Variants in FSTL5 observed in about 807,000 individuals in gnomAD.
FSTL5 encodes the protein follistatin-related protein 5.
A neutral mutation model predicts 89.1 loss-of-function variants in FSTL5; 62 were observed. The observed-to-expected ratio is 0.70, with a 90% CI of 0.57 to 0.86. The LOEUF (loss-of-function observed/expected upper bound fraction) is 0.86, where lower values mean the gene tolerates loss of function less well. Ranked by LOEUF, FSTL5 falls within the 40% of genes least tolerant of loss-of-function variation. The pLI, the probability that FSTL5 is intolerant of heterozygous loss-of-function variation, is 0.00. For missense variants in FSTL5, 1,057 were observed against 1,001.6 expected (o/e 1.06, Z -0.75); for synonymous variants, 383 against 346.2 (o/e 1.11, Z -1.18).
chr4:161,977,530 G>A (rs922681340), intron 3 of FSTL5, among the ~76,000 whole-genome samples: 3 of 148,972 alleles, frequency 2.0e-5, no homozygotes, highest in East Asian at 2.0e-4. Context: ...GAAGAATGGC[G>A]TGTACATGGA....
chr4:161,400,028 G>T (rs2110902371), intron 15 of FSTL5, among the ~76,000 whole-genome samples: 1 of 152,118 alleles, frequency 6.6e-6, no homozygotes, highest in African/African-American at 2.4e-5. Context: ...AAATAGACTA[G>T]TATCTAAATC....
At chr4:161,610,211 C>A (rs950372989) in intron 7 of FSTL5, among the ~76,000 whole-genome samples, 5 of 151,942 alleles carry the variant, frequency 3.3e-5, no homozygotes, top group African/African-American at 9.7e-5. Context: ...GTTGGCTTTA[C>A]TTCTTTCAGA....
intron 15 of FSTL5, among the ~76,000 whole-genome samples, chr4:161,421,933 A>T (rs1732004270): frequency 6.6e-6 from 1 of 152,160 alleles, no homozygotes; most frequent in South Asian, 2.1e-4. Flanking sequence ...CAGCTTGCAG[A>T]CAGCAGATTG....
At chr4:161,779,803 A>ATGTG (rs1560841008) in intron 4 of FSTL5, among the ~76,000 whole-genome samples, 35 of 54,348 alleles carry the variant, frequency 6.4e-4, no homozygotes, top group South Asian at 5.6e-3. Flanking sequence ...ATATATATAT[A>ATGTG]TATATATGTA....
At chr4:162,052,175 T>C (rs571432477) in intron 2 of FSTL5, among the ~76,000 whole-genome samples, 1 of 151,578 alleles carries the variant, frequency 6.6e-6, no homozygotes, top group South Asian at 2.1e-4. Context: ...GTCTAGTAAT[T>C]CTACATGTAA....
chr4:161,646,260 T>C (rs189618529), intron 7 of FSTL5, among the ~76,000 whole-genome samples: 2 of 148,794 alleles, frequency 1.3e-5, no homozygotes, highest in Admixed American at 1.3e-4. Context: ...GCTCTCTCTC[T>C]ATATATCTCA....
intron 4 of FSTL5, among the ~76,000 whole-genome samples, chr4:161,911,346 G>A (rs1733686301): frequency 1.3e-5 from 2 of 151,862 alleles, no homozygotes; most frequent in South Asian, 2.1e-4. Flanking sequence ...ACCTGATTAT[G>A]GTTCAATATT....
At chr4:161,869,093 G>T (rs1387124949) in intron 4 of FSTL5, among the ~76,000 whole-genome samples, 1 of 152,098 alleles carries the variant, frequency 6.6e-6, no homozygotes, top group Non-Finnish European at 1.5e-5. Context: ...CCAGCTACTT[G>T]TGAGGCTGAG....
intron 6 of FSTL5, among the ~76,000 whole-genome samples, chr4:161,659,640 C>G (rs1736638267): frequency 6.6e-6 from 1 of 152,048 alleles, no homozygotes; most frequent in Admixed American, 6.5e-5. Context: ...TGTAAAACAA[C>G]AGCTATGAAT....
At position 162,141,367 on chromosome 4, in the gene FSTL5, G is replaced by A. The variant is rs899573578; in HGVS notation, c.-17+22248C>T. Among the ~76,000 whole-genome samples the A allele has an allele frequency of 5.7e-5, 5 of 87,722 alleles. 1 individual carries two copies. Among genetic ancestry groups the A allele is most frequent in the South Asian group, 3.3e-4 (1 of 3,072 alleles). 57.5% of individuals were successfully genotyped at this position (87,722 alleles called of 152,430 possible). ...CCTGACCTCGTGATCCGCCCGTCTCGGCCTCCCAAAGTGCTGGGATTACAG... is the reference window on the plus strand; with the variant it reads ...CCTGACCTCGTGATCCGCCCGTCTCAGCCTCCCAAAGTGCTGGGATTACAG... On this transcript the variant is annotated intron_variant, in intron 1 of 15. Coordinates refer to ENST00000306100, the MANE Select transcript of FSTL5 (RefSeq NM_020116.5).
chr4:161,602,908 G>A (rs1734298481), intron 7 of FSTL5, among the ~76,000 whole-genome samples: 1 of 152,096 alleles, frequency 6.6e-6, no homozygotes, highest in African/African-American at 2.4e-5. Context: ...AATCCTACAG[G>A]AAACTCTTCA....
intron 8 of FSTL5, among the ~76,000 whole-genome samples, chr4:161,585,135 G>A (rs887658740): frequency 2.0e-5 from 3 of 152,122 alleles, no homozygotes; most frequent in Admixed American, 6.6e-5. Context: ...CAGGGAAGCC[G>A]CCTTTCACCA....
intron 3 of FSTL5, among the ~76,000 whole-genome samples, chr4:161,993,705 C>A (rs1736204979): frequency 6.6e-6 from 1 of 151,906 alleles, no homozygotes; most frequent in Non-Finnish European, 1.5e-5. Flanking sequence ...ACGTTTCTAG[C>A]ATGCTTGTTG....
At chr4:161,484,850 T>C (rs1273731655) in intron 12 of FSTL5, among the ~76,000 whole-genome samples, 2 of 152,184 alleles carry the variant, frequency 1.3e-5, no homozygotes, top group African/African-American at 2.4e-5. Context: ...TTTTAGACAC[T>C]TGATTTGTCA....
intron 1 of FSTL5, among the ~76,000 whole-genome samples, chr4:162,153,718 AATAATATATG>A (rs1733339472): frequency 1.5e-5 from 2 of 133,850 alleles, no homozygotes; most frequent in Admixed American, 1.7e-4. Flanking sequence ...ATATGTATAT[AATAATATATG>A]TATATATGTA....
At chr4:161,944,015 T>C (rs1734669099) in intron 3 of FSTL5, among the ~76,000 whole-genome samples, 1 of 152,170 alleles carries the variant, frequency 6.6e-6, no homozygotes, top group African/African-American at 2.4e-5. Context: ...AGGCTCGTGT[T>C]TCTGCAGGGT....
chr4:161,498,522 T>C (rs2126481465), intron 12 of FSTL5, among the ~76,000 whole-genome samples: 1 of 152,284 alleles, frequency 6.6e-6, no homozygotes, highest in East Asian at 1.9e-4. Context: ...AGTGATAGTT[T>C]TGTGATGAAG....
intron 8 of FSTL5, among the ~76,000 whole-genome samples, chr4:161,587,019 G>T (rs983008249): frequency 7.9e-5 from 12 of 152,054 alleles, no homozygotes; most frequent in African/African-American, 2.9e-4. Context: ...AGCCCACCTG[G>T]TCAACATTCA....
intron 3 of FSTL5, among the ~76,000 whole-genome samples, chr4:161,964,088 C>T (rs1159910763): frequency 6.6e-6 from 1 of 151,890 alleles, no homozygotes; most frequent in Non-Finnish European, 1.5e-5. Flanking sequence ...GCTATTCATA[C>T]TTGTGATGAT....
Sources: gnomAD v4.1 joint callset for allele counts (sites outside exome capture counted in the v4.1 genomes callset) on GRCh38, gnomAD v4.1.1 for gene constraint, MANE v1.5 for transcripts, NCBI Gene and HGNC (gene_info 2026-07-23, HGNC 2026-07-21) for gene names.